BAIAP2L2: variants seen among roughly 807,000 people sequenced by gnomAD.
BAIAP2L2 encodes the protein BAR/IMD domain containing adaptor protein 2 like 2.
BAIAP2L2 carries 65 observed loss-of-function variants against 60.4 expected under a neutral mutation model. The ratio of observed to expected loss-of-function variants is 1.08; its 90% CI spans 0.88 to 1.32. BAIAP2L2 has a LOEUF of 1.32. Ranked by LOEUF, BAIAP2L2 falls within the 40% of genes most tolerant of loss-of-function variation. The pLI is 0.00. For missense variants in BAIAP2L2, 836 were observed against 741.2 expected (o/e 1.13, Z -1.48); for synonymous variants, 344 against 301.7 (o/e 1.14, Z -1.45).
chr22:38,108,317 T>C lies in BAIAP2L2; in HGVS notation c.152A>G (p.Tyr51Cys), dbSNP rs1343163523. ...FHALSEAAEV[Y>C]FSAIQKIGER... ...CCCAATCTTCTGGATGGCACTGAAG[T>C]AGACCTCGGCCGCCTCGGACAGAGC... is the stretch of plus-strand genomic sequence containing the variant. The change falls in exon 3 of 14, where the codon TAC becomes TGC. Residue 51 changes from tyrosine to cysteine, a missense_variant. Coordinates refer to ENST00000381669, the MANE Select transcript of BAIAP2L2 (RefSeq NM_025045.6). 2 of 1,612,604 alleles carry C rather than the reference T, an allele frequency of 1.2e-6. No individual in the cohort carries two copies. Among genetic ancestry groups the C allele is most frequent in the Non-Finnish European group, 1.7e-6 (2 of 1,179,914 alleles).
In BAIAP2L2 at chr22:38,087,201, G is replaced by A. The variant is rs1235863530; in HGVS notation, c.1182C>T (p.Thr394=). The A allele has an allele frequency of 6.2e-7, 1 of 1,603,724 alleles. No individual in the cohort carries two copies. The highest frequency in any genetic ancestry group is 8.5e-7 in the Non-Finnish European group (1 of 1,176,218). The change falls in exon 11 of 14, where the codon ACC becomes ACT. Residue 394 remains threonine (T), a synonymous_variant. Coordinates refer to ENST00000381669, the MANE Select transcript of BAIAP2L2 (RefSeq NM_025045.6). ...TCATGGAGGTCATGGGGGTCACGGG[G>A]GTCATGGGATTCACGGGCCCCTCCT... ...ALEEGPVNPM[T]PVTPMTSMTS...
intron 4 of BAIAP2L2, among the ~76,000 whole-genome samples, chr22:38,101,219 A>C (rs2086558572): frequency 6.6e-6 from 1 of 152,098 alleles, no homozygotes; most frequent in African/African-American, 2.4e-5. Context: ...ATGAATGGAG[A>C]AACCAGACAG....
intron 4 of BAIAP2L2, among the ~76,000 whole-genome samples, chr22:38,101,447 T>A (rs1602022541): frequency 7.6e-6 from 1 of 131,390 alleles, no homozygotes; most frequent in African/African-American, 3.0e-5. Flanking sequence ...CTTGGGAGGC[T>A]GAGGTGAGAG....
At position 38,086,425 on chromosome 22, in the gene BAIAP2L2, G is replaced by A. The variant is rs1194259451; in HGVS notation, c.1284C>T (p.His428=). ...GCCGGTCCAGGAGGTCATCGAGGCT[G>A]TGGCTGCCCCGGAGTGGGTAGGACC... ...PSRSYPLRGS[H]SLDDLLDRPG... Residue 428 remains histidine (H), a synonymous_variant, in exon 12 of 14, where the codon CAC becomes CAT. Transcript: ENST00000381669. 4 of 1,521,360 alleles carry A rather than the reference G, an allele frequency of 2.6e-6. No individual in the cohort carries two copies. The highest frequency in any genetic ancestry group is 2.0e-5 in the Admixed American group (1 of 49,594). 94.2% of individuals were successfully genotyped at this position (1,521,360 alleles called of 1,614,324 possible). A position where few individuals can be genotyped will look rare whatever the true frequency, so the allele number is the denominator to read the frequency against.
chr22:38,109,188 G>A lies in BAIAP2L2; in HGVS notation c.72C>T (p.Asn24=), dbSNP rs774925274. The A allele has an allele frequency of 6.8e-6, 11 of 1,612,702 alleles. No individual in the cohort carries two copies. The highest frequency in any genetic ancestry group is 8.5e-6 in the Non-Finnish European group (10 of 1,179,290). ...GGTACACCAGGTTCTCCAGGGCGGG[G>A]TTAAACTGCTCCATGATGCTCTGGA... ...AIYKSIMEQF[N]PALENLVYLG... Residue 24 remains asparagine, a synonymous_variant, in exon 2 of 14, where the codon AAC becomes AAT. Coordinates refer to ENST00000381669, the MANE Select transcript of BAIAP2L2 (RefSeq NM_025045.6).
Position 38,089,623 on chromosome 22 carries a change from C to T in BAIAP2L2, c.664G>A (p.Ala222Thr), listed in dbSNP as rs951857069. 1.2e-5 allele frequency: 15 copies of T among 1,233,452 alleles called. No individual in the cohort carries two copies. In the African/African-American group the frequency reaches 2.0e-4, roughly 17 times the overall value. 76.4% of individuals were successfully genotyped at this position (1,233,452 alleles called of 1,614,324 possible). A position where few individuals can be genotyped will look rare whatever the true frequency, so the allele number is the denominator to read the frequency against. ...RVLLWKEQSE[A>T]SRSPSRAHSP... is the part of the protein sequence containing the mutation. Reference sequence around the variant, plus strand: ...TGGGCGCGCGACGGGCTGCGGCTGGCCTCAGACTGCTCCTTCCACAGCAGC... The same window carrying T: ...TGGGCGCGCGACGGGCTGCGGCTGGTCTCAGACTGCTCCTTCCACAGCAGC... Residue 222 changes from alanine (A) to threonine (T), a missense_variant, in exon 8 of 14, where the codon GCC becomes ACC. Coordinates refer to ENST00000381669, the MANE Select transcript of BAIAP2L2 (RefSeq NM_025045.6).
rs2086232156 is a variant in BAIAP2L2, at chr22:38,089,651, G to A, written c.636C>T (p.Arg212=). 8.1e-7 allele frequency: 1 copy of A among 1,231,558 alleles called. No individual in the cohort carries two copies. Among genetic ancestry groups the A allele is most frequent in the South Asian group, 4.1e-5 (1 of 24,462 alleles). The allele number at this position is 1,231,558 out of a possible 1,614,324, so 76.3% of individuals were successfully genotyped here. A position where few individuals can be genotyped will look rare whatever the true frequency, so the allele number is the denominator to read the frequency against. ...CAGACTGCTCCTTCCACAGCAGCAC[G>A]CGGTTCTGGAGCATCCCCCGGGCCT... is the stretch of plus-strand genomic sequence containing the variant. ...FGRARGMLQN[R]VLLWKEQSEA... is the part of the protein sequence containing the mutation. The change falls in exon 8 of 14, where the codon CGC becomes CGT. Residue 212 remains arginine, a synonymous_variant. Coordinates refer to ENST00000381669, the MANE Select transcript of BAIAP2L2 (RefSeq NM_025045.6).
At chr22:38,092,415 TAC>T (rs2086326882) in intron 7 of BAIAP2L2, among the ~76,000 whole-genome samples, 2 of 152,102 alleles carry the variant, frequency 1.3e-5, no homozygotes, top group Admixed American at 6.5e-5. Context: ...TAGCTGTGAT[TAC>T]AGTCATCCGC....
chr22:38,110,141 G>GAGACAGAGAGAGAGAGAGAC (rs2086805518), intron 1 of BAIAP2L2, among the ~76,000 whole-genome samples: 1 of 79,400 alleles, frequency 1.3e-5, no homozygotes, highest in Non-Finnish European at 2.2e-5. Context: ...GAGAGAGAGA[G>GAGACAGAGAGAGAGAGAGAC]AGAGAGAGGG....
intron 7 of BAIAP2L2, among the ~76,000 whole-genome samples, chr22:38,096,018 G>A (rs917240705): frequency 6.6e-6 from 1 of 152,108 alleles, no homozygotes; most frequent in East Asian, 1.9e-4. Context: ...GGAATGGGCT[G>A]AATTCCTTTT....
Position 38,085,077 on chromosome 22 carries a change from A to G in BAIAP2L2, c.*223T>C. The G allele has an allele frequency of 1.9e-6, 1 of 519,136 alleles. No individual in the cohort carries two copies. The highest frequency in any genetic ancestry group is 2.1e-5 in the South Asian group (1 of 48,478). The allele number at this position is 519,136 out of a possible 1,614,324, so 32.2% of individuals were successfully genotyped here. On this transcript the variant is annotated 3_prime_UTR_variant, in exon 14 of 14. Coordinates refer to ENST00000381669, the MANE Select transcript of BAIAP2L2 (RefSeq NM_025045.6). ...TCCTGGAGCCCCTGGAGGGGGAGAA[A>G]TTGTCCTGTCCCCCCATTCCGCCTG...
chr22:38,099,074 G>A (rs2086510738), intron 4 of BAIAP2L2, among the ~76,000 whole-genome samples: 1 of 152,238 alleles, frequency 6.6e-6, no homozygotes, highest in Non-Finnish European at 1.5e-5. Context: ...GAGGTGACAG[G>A]TTCCCATGGC....
At chr22:38,086,164 G>A (rs949918690) in intron 12 of BAIAP2L2, 78 bp downstream of exon 12, 1 of 1,474,448 alleles carries the variant, frequency 6.8e-7, no homozygotes, top group Non-Finnish European at 9.2e-7. Context: ...CAGACAGCCG[G>A]TGACAGAGCC....
At chr22:38,103,344 G>A (rs113859349) in intron 4 of BAIAP2L2, among the ~76,000 whole-genome samples, 1,755 of 152,254 alleles carry the variant, frequency 0.012, 39 homozygotes, top group African/African-American at 0.038. Flanking sequence ...CCATCTATGC[G>A]TTGCACAGCC....
rs1300019834 is a variant in BAIAP2L2 at position 38,108,316 on chromosome 22, G to A, written c.153C>T (p.Tyr51=). Residue 51 remains tyrosine, a synonymous_variant, in exon 3 of 14, where the codon TAC becomes TAT. Coordinates refer to ENST00000381669, the MANE Select transcript of BAIAP2L2 (RefSeq NM_025045.6). ...FHALSEAAEV[Y]FSAIQKIGER... is the part of the protein sequence containing the mutation. Reference sequence around the variant, plus strand: ...CCCCAATCTTCTGGATGGCACTGAAGTAGACCTCGGCCGCCTCGGACAGAG... The same window carrying A: ...CCCCAATCTTCTGGATGGCACTGAAATAGACCTCGGCCGCCTCGGACAGAG... The A allele has an allele frequency of 6.2e-7, 1 of 1,612,660 alleles. No individual in the cohort carries two copies. The highest frequency in any genetic ancestry group is 1.7e-5 in the Admixed American group (1 of 60,000).
chr22:38,106,526 A>AT (rs2086667743), intron 4 of BAIAP2L2, among the ~76,000 whole-genome samples: 1 of 117,276 alleles, frequency 8.5e-6, no homozygotes, highest in East Asian at 2.6e-4. Context: ...TCTCAAAAAA[A>AT]TTAAAAAAAA....
intron 10 of BAIAP2L2, among the ~76,000 whole-genome samples, chr22:38,088,381 G>GC (rs1226403604): frequency 1.3e-4 from 20 of 152,326 alleles, no homozygotes; most frequent in African/African-American, 4.8e-4. Context: ...TCCCAGCCCA[G>GC]CCCCCTGCAT....
intron 4 of BAIAP2L2, among the ~76,000 whole-genome samples, chr22:38,099,210 T>A (rs1404391227): frequency 6.6e-6 from 1 of 152,242 alleles, no homozygotes; most frequent in Non-Finnish European, 1.5e-5. Context: ...CACCCATCTC[T>A]GGGCCTCAGT....
At chr22:38,098,235 C>T in intron 5 of BAIAP2L2, 56 bp from the exon 6 acceptor site, 1 of 1,574,170 alleles carries the variant, frequency 6.4e-7, no homozygotes, top group East Asian at 2.2e-5. Context: ...GAGCTCAAGA[C>T]ACCCCTCCCA....
Sources: allele counts gnomAD v4.1 joint callset (sites outside exome capture counted in the v4.1 genomes callset), GRCh38; gene constraint gnomAD v4.1.1; transcripts MANE v1.5; gene names NCBI Gene and HGNC (gene_info 2026-07-23, HGNC 2026-07-21).